The following SLC25A12 variants were observed in gnomAD, a reference collection of about 807,000 sequenced individuals.
SLC25A12 encodes the protein electrogenic aspartate/glutamate antiporter SLC25A12, mitochondrial.
SLC25A12 carries 32 observed loss-of-function variants against 83.3 expected under a neutral mutation model. The observed-to-expected ratio is 0.38, with a 90% CI of 0.29 to 0.52. The LOEUF is 0.52. Ranked by LOEUF, SLC25A12 falls within the 20% of genes least tolerant of loss-of-function variation. The pLI, the probability that SLC25A12 is intolerant of heterozygous loss-of-function variation, is 0.84. For synonymous variants in SLC25A12, 267 were observed against 291.1 expected, an observed-to-expected ratio of 0.92 and a Z score of 0.84; for missense variants, 611 against 835.6, an observed-to-expected ratio of 0.73 and a Z score of 3.31.
At chr2:171,836,892 A>AT (rs143710128) in intron 6 of SLC25A12, among the ~76,000 whole-genome samples, 32,506 of 151,852 alleles carry the variant, frequency 0.21, 4,195 homozygotes, top group East Asian at 0.58. Flanking sequence ...CCGGGAAAAG[A>AT]TAACTCACCA....
intron 2 of SLC25A12, chr2:171,871,651 A>C: frequency 1.1e-6 from 1 of 888,740 alleles, no homozygotes; most frequent in Non-Finnish European, 1.3e-6. Flanking sequence ...GCGACTTCCT[A>C]GTTTCCCTGT....
chr2:171,808,227 C>A (rs567730636), intron 13 of SLC25A12, among the ~76,000 whole-genome samples: 153 of 142,880 alleles, frequency 1.1e-3, no homozygotes, highest in African/African-American at 3.9e-3. Context: ...AAGACAGAAA[C>A]CTTTGTGCGC....
chr2:171,797,231 T>G (rs1683616986), intron 13 of SLC25A12, among the ~76,000 whole-genome samples: 2 of 152,174 alleles, frequency 1.3e-5, no homozygotes, highest in Non-Finnish European at 2.9e-5. Flanking sequence ...CTATTTTTAA[T>G]AGCAGCAAAA....
intron 5 of SLC25A12, among the ~76,000 whole-genome samples, chr2:171,844,065 G>A (rs1025381968): frequency 2.0e-5 from 3 of 152,164 alleles, no homozygotes; most frequent in African/African-American, 4.8e-5. Context: ...GATTACAGGC[G>A]TGAGCCACTG....
Position 171,869,915 on chromosome 2 carries a change from G to T in SLC25A12, c.67-1092C>A, listed in dbSNP as rs191560863. On this transcript the variant is annotated intron_variant, in intron 2 of 17. Coordinates refer to ENST00000422440, the MANE Select transcript of SLC25A12 (RefSeq NM_003705.5). The stretch of plus-strand genomic sequence containing the variant: ...TACAAGTTTTCAGAGAGAAAAACCA[G>T]GTCACATATAAAGAATCATGAATTA... 2.8e-3 allele frequency among the ~76,000 whole-genome samples: 428 copies of T among 152,330 alleles called. 5 individuals are homozygous for T. Among genetic ancestry groups the T allele is most frequent in the African/African-American group, 0.01 (419 of 41,572 alleles).
chr2:171,791,392 A>C, intron 15 of SLC25A12, 59 bp downstream of exon 15: 1 of 1,370,630 alleles, frequency 7.3e-7, no homozygotes, highest in Non-Finnish European at 1.0e-6. Flanking sequence ...GTACATAGAG[A>C]TTCTGTACTT....
At chr2:171,788,562 G>C (rs1184690753) in intron 15 of SLC25A12, 1 of 155,206 alleles carries the variant, frequency 6.4e-6, no homozygotes, top group Non-Finnish European at 1.4e-5. Context: ...AGCTGGTCAG[G>C]GAAAGGCCCC....
intron 6 of SLC25A12, among the ~76,000 whole-genome samples, chr2:171,835,700 G>T (rs73976519): frequency 0.021 from 3,123 of 152,278 alleles, 114 homozygotes; most frequent in African/African-American, 0.072. Context: ...AAAATGCAAA[G>T]AAATGCTTAT....
At chr2:171,891,131 C>G (rs1685925819) in intron 2 of SLC25A12, among the ~76,000 whole-genome samples, 1 of 151,974 alleles carries the variant, frequency 6.6e-6, no homozygotes, top group Admixed American at 6.6e-5. Flanking sequence ...ATGGTGAAAC[C>G]CTGTCTCTAC....
intron 4 of SLC25A12, 133 bp from the exon 5 acceptor site, chr2:171,844,641 ATT>A (rs2105895682): frequency 1.8e-5 from 12 of 653,030 alleles, no homozygotes; most frequent in Non-Finnish European, 3.2e-5. Context: ...AATAACTGCA[ATT>A]TTTTTGTGTG....
Position 171,868,721 on chromosome 2 carries a change from C to A in SLC25A12, c.169G>T (p.Val57Leu). 1 of 1,613,972 alleles carries A rather than the reference C, an allele frequency of 6.2e-7. No homozygotes were observed. Among genetic ancestry groups the A allele is most frequent in the South Asian group, 1.1e-5 (1 of 91,066 alleles). Residue 57 changes from valine to leucine, a missense_variant, in exon 3 of 18, where the codon GTG (valine) becomes TTG (leucine). Transcript: ENST00000422440. ...TCAGCTACTCCTGCCAAGAGCTGCA[C>A]GATCTTTGGGTTACTATTTGGATCA... The part of the protein sequence containing the change: ...YNDPNSNPKI[V>L]QLLAGVADQT...
At chr2:171,837,357 C>A in intron 5 of SLC25A12, 90 bp from the exon 6 acceptor site, 1 of 1,307,730 alleles carries the variant, frequency 7.6e-7, no homozygotes, top group Non-Finnish European at 1.1e-6. Flanking sequence ...ATATCCTTCC[C>A]ACACATGTAC....
At chr2:171,828,972 C>G (rs1684375341) in intron 8 of SLC25A12, among the ~76,000 whole-genome samples, 1 of 152,214 alleles carries the variant, frequency 6.6e-6, no homozygotes, top group Non-Finnish European at 1.5e-5. Flanking sequence ...CCAATCAAGG[C>G]CCAGAGTTTT....
At chr2:171,829,970 G>T (rs1684395965) in intron 8 of SLC25A12, among the ~76,000 whole-genome samples, 1 of 152,214 alleles carries the variant, frequency 6.6e-6, no homozygotes, top group Non-Finnish European at 1.5e-5. Context: ...GAATGAAAAA[G>T]GGAATAACTA....
chr2:171,833,942 A>G (rs1267407487), intron 8 of SLC25A12, 21 bp downstream of exon 8: 1 of 1,337,818 alleles, frequency 7.5e-7, no homozygotes. Flanking sequence ...AAATATCATG[A>G]AGAATTATTG....
At chr2:171,823,777 G>A (rs754236151) in intron 9 of SLC25A12, among the ~76,000 whole-genome samples, 7 of 152,060 alleles carry the variant, frequency 4.6e-5, no homozygotes, top group Non-Finnish European at 1.0e-4. Context: ...TGGGAAACAT[G>A]GCTTAACCCT....
chr2:171,828,358 C>G (rs1684356584), intron 8 of SLC25A12, among the ~76,000 whole-genome samples: 1 of 152,230 alleles, frequency 6.6e-6, no homozygotes, highest in Non-Finnish European at 1.5e-5. Flanking sequence ...TTTCAGTCAA[C>G]TTAAGCCCTC....
chr2:171,860,775 T>C (rs1685139690), intron 3 of SLC25A12, among the ~76,000 whole-genome samples: 2 of 151,752 alleles, frequency 1.3e-5, no homozygotes, highest in African/African-American at 4.8e-5. Context: ...AAAGCAAGAA[T>C]AGTCAGATGT....
chr2:171,862,168 C>A (rs971930192), intron 3 of SLC25A12, among the ~76,000 whole-genome samples: 2 of 152,104 alleles, frequency 1.3e-5, no homozygotes, highest in Non-Finnish European at 2.9e-5. Context: ...GAAAAGAACA[C>A]CAGTTTTCTA....
Sources: allele counts gnomAD v4.1 joint callset (sites outside exome capture counted in the v4.1 genomes callset), GRCh38; gene constraint gnomAD v4.1.1; transcripts MANE v1.5; gene names NCBI Gene and HGNC (gene_info 2026-07-23, HGNC 2026-07-21).